Variants in CEP55 observed in about 807,000 individuals in gnomAD.
The protein encoded by CEP55 is centrosomal protein 55.
A neutral mutation model predicts 63.2 loss-of-function variants in CEP55; 57 were observed. That is an observed-to-expected ratio of 0.90 (90% CI 0.73 to 1.13). CEP55 has a LOEUF of 1.13. Among genes scored for constraint, CEP55 ranks in the 50% most tolerant of loss-of-function variants. CEP55 has a pLI of 0.00. For synonymous variants in CEP55, 178 were observed against 191.6 expected, an observed-to-expected ratio of 0.93 and a Z score of 0.59; for missense variants, 456 against 518.9, an observed-to-expected ratio of 0.88 and a Z score of 1.18.
At chr10:93,519,932 C>T (rs1044605821) in intron 8 of CEP55, 125 bp downstream of exon 8, 21 of 1,041,586 alleles carry the variant, frequency 2.0e-5, no homozygotes, top group Non-Finnish European at 3.1e-5. Flanking sequence ...TAGGTAGAGC[C>T]TCTGCCTCAT....
rs2057866262 is a variant in CEP55 at position 93,521,781 on chromosome 10, G to C, written c.1191+1974G>C. 2.0e-5 allele frequency among the ~76,000 whole-genome samples: 3 copies of C among 152,322 alleles called. No homozygotes were observed. In the South Asian group the frequency reaches 6.2e-4, roughly 32 times the overall value. Reference sequence around the variant, plus strand: ...GAGCAATCAGGCAGCAACATTTGCTGTTCACCAATATTCGCTGTTCTGCAG... The same window carrying C: ...GAGCAATCAGGCAGCAACATTTGCTCTTCACCAATATTCGCTGTTCTGCAG... On this transcript the variant is annotated intron_variant, in intron 8 of 8. Transcript: ENST00000371485.
intron 3 of CEP55, among the ~76,000 whole-genome samples, chr10:93,503,682 CTATAGTTTG>C (rs2057657721): frequency 1.3e-5 from 2 of 152,114 alleles, no homozygotes; most frequent in South Asian, 4.2e-4. Context: ...GCTCTTATTT[CTATAGTTTG>C]TATCATGAAA....
intron 8 of CEP55, among the ~76,000 whole-genome samples, chr10:93,521,950 AC>A (rs2057868767): frequency 2.0e-5 from 3 of 152,216 alleles, no homozygotes; most frequent in Admixed American, 1.3e-4. Context: ...TCTGTATGTC[AC>A]CATCATCAAA....
rs111545427 is a variant in CEP55 at position 93,503,372 on chromosome 10, C to A, written c.443C>A (p.Thr148Lys). 2 of 1,613,658 alleles carry A rather than the reference C, an allele frequency of 1.2e-6. No homozygotes were observed. The highest frequency in any genetic ancestry group is 2.2e-5 in the South Asian group (2 of 91,046). Reference sequence around the variant, plus strand: ...GCTGAACTTGAAAGCAAAACCAATACACTCCGTTTATCACAGGTGCTAATC... The same window carrying A: ...GCTGAACTTGAAAGCAAAACCAATAAACTCCGTTTATCACAGGTGCTAATC... ...RIAELESKTN[T>K]LRLSQTVAPN... The change falls in exon 3 of 9, where the codon ACA becomes AAA. Residue 148 changes from threonine to lysine, a missense_variant. Transcript: ENST00000371485.
chr10:93,516,775 T>G (rs1257130222), intron 5 of CEP55, among the ~76,000 whole-genome samples, 160 bp from the exon 6 acceptor site: 10 of 152,338 alleles, frequency 6.6e-5, no homozygotes, highest in Admixed American at 5.9e-4. Context: ...CCTGAACTTG[T>G]TTTTTATTTC....
intron 2 of CEP55, 85 bp downstream of exon 2, chr10:93,500,319 G>A: frequency 8.8e-7 from 1 of 1,132,814 alleles, no homozygotes; most frequent in Non-Finnish European, 1.3e-6. Flanking sequence ...TCTTACTCTT[G>A]CCGTGTTCCC....
chr10:93,500,032 T>G lies in CEP55; in HGVS notation c.-12-8T>G. The G allele has an allele frequency of 6.4e-7, 1 of 1,566,788 alleles. No individual in the cohort carries two copies. Among genetic ancestry groups the G allele is most frequent in the Non-Finnish European group, 8.6e-7 (1 of 1,156,796 alleles). The stretch of plus-strand genomic sequence containing the variant: ...TCAGAATTATACAGTTGATTTTTAT[T>G]TTTACAGACCATTTCAGAGATGTCT... On this transcript the variant is annotated splice_region_variant and splice_polypyrimidine_tract_variant and intron_variant, in intron 1 of 8. Coordinates refer to ENST00000371485, the MANE Select transcript of CEP55 (RefSeq NM_018131.5).
At chr10:93,509,793 A>G (rs1165594466) in intron 4 of CEP55, among the ~76,000 whole-genome samples, 1 of 152,100 alleles carries the variant, frequency 6.6e-6, no homozygotes, top group African/African-American at 2.4e-5. Flanking sequence ...GCCAGAACTT[A>G]TATTTGAGGA....
intron 8 of CEP55, among the ~76,000 whole-genome samples, chr10:93,520,769 GA>G (rs200946334): frequency 6.1e-5 from 9 of 147,924 alleles, no homozygotes; most frequent in Admixed American, 2.7e-4. Context: ...TTCAAAGGAG[GA>G]AAAAAAAACA....
intron 3 of CEP55, among the ~76,000 whole-genome samples, chr10:93,504,472 CAA>C (rs113435584): frequency 1.4e-5 from 2 of 146,052 alleles, no homozygotes. Context: ...GCCTCTGTCT[CAA>C]AAAAAAAAAA....
chr10:93,506,947 T>C, intron 3 of CEP55, 41 bp from the exon 4 acceptor site: 2 of 1,266,836 alleles, frequency 1.6e-6, no homozygotes, highest in Non-Finnish European at 1.2e-6. Flanking sequence ...CAACTTCTAT[T>C]GTGGAATGTC....
intron 3 of CEP55, among the ~76,000 whole-genome samples, chr10:93,506,117 A>G (rs2057685907): frequency 6.6e-6 from 1 of 151,906 alleles, no homozygotes; most frequent in Non-Finnish European, 1.5e-5. Context: ...TAATTTTTGT[A>G]TTTTTAGTAA....
intron 8 of CEP55, among the ~76,000 whole-genome samples, chr10:93,526,818 C>G (rs1181459321): frequency 2.6e-5 from 4 of 152,098 alleles, no homozygotes; most frequent in African/African-American, 9.7e-5. Context: ...TCATTCTCAG[C>G]AAACTATCAC....
At chr10:93,513,967 C>CGGG (rs1361886270) in intron 4 of CEP55, among the ~76,000 whole-genome samples, 1 of 142,094 alleles carries the variant, frequency 7.0e-6, no homozygotes, top group Non-Finnish European at 1.5e-5. Context: ...TTTTTTGAGA[C>CGGG]GGGGTCTCAC....
intron 8 of CEP55, among the ~76,000 whole-genome samples, chr10:93,526,354 T>C (rs775736330): frequency 2.1e-3 from 313 of 152,264 alleles, no homozygotes; most frequent in Non-Finnish European, 3.3e-3. Context: ...TCACTGGCCA[T>C]CAGAGAAATG....
At position 93,507,013 on chromosome 10, in the gene CEP55, CATCA is replaced by C; in HGVS notation, c.488_491del (p.Ser163Ter). The C allele has an allele frequency of 3.1e-6, 5 of 1,589,270 alleles. No homozygotes were observed. Among genetic ancestry groups the C allele is most frequent in the Non-Finnish European group, 4.3e-6 (5 of 1,158,096 alleles). On this transcript the variant is annotated frameshift_variant, in exon 4 of 9. Coordinates refer to ENST00000371485, the MANE Select transcript of CEP55 (RefSeq NM_018131.5). LOFTEE classifies it high-confidence loss of function. Reference sequence around the variant, plus strand: ...ACTGTGGCTCCAAACTGCTTCAACTCATCAATAAATAATATTCATGAAATGGAAA... The same window carrying C: ...ACTGTGGCTCCAAACTGCTTCAACTCATAAATAATATTCATGAAATGGAAA...
Position 93,515,536 on chromosome 10 carries a change from A to G in CEP55, c.660A>G (p.Thr220=). The change falls in exon 5 of 9, where the codon ACA becomes ACG. Residue 220 remains threonine, a synonymous_variant. Transcript: ENST00000371485. ...CTGCTCATTCACTCCCACAGCAGAC[A>G]AAAAAGCCTGAATCAGAAGGTACTG... is the stretch of plus-strand genomic sequence containing the variant. ...ETAAHSLPQQ[T]KKPESEGYLQ... is the part of the protein sequence containing the mutation. 1.9e-6 allele frequency: 3 copies of G among 1,612,894 alleles called. No individual in the cohort carries two copies. The highest frequency in any genetic ancestry group is 2.5e-6 in the Non-Finnish European group (3 of 1,179,062).
At chr10:93,526,347 C>T (rs1273561344) in intron 8 of CEP55, among the ~76,000 whole-genome samples, 1 of 152,192 alleles carries the variant, frequency 6.6e-6, no homozygotes, top group Non-Finnish European at 1.5e-5. Flanking sequence ...CTCATCATCA[C>T]TGGCCATCAG....
chr10:93,508,460 A>G (rs1343451990), intron 4 of CEP55, among the ~76,000 whole-genome samples: 2 of 152,248 alleles, frequency 1.3e-5, no homozygotes, highest in Non-Finnish European at 2.9e-5. Flanking sequence ...AAGTACTCTT[A>G]TCAGAATACG....
Sources: allele counts gnomAD v4.1 joint callset (sites outside exome capture counted in the v4.1 genomes callset), GRCh38; gene constraint gnomAD v4.1.1; transcripts MANE v1.5; gene names NCBI Gene and HGNC (gene_info 2026-07-23, HGNC 2026-07-21).